The following MINDY4 variants were observed in gnomAD, a reference collection of about 807,000 sequenced individuals.
MINDY4 encodes probable ubiquitin carboxyl-terminal hydrolase MINDY-4.
In MINDY4, 68 loss-of-function variants were observed where a neutral mutation model predicts 87.0. The observed-to-expected ratio is 0.78, with a 90% confidence interval of 0.64 to 0.96. The LOEUF (loss-of-function observed/expected upper bound fraction) is 0.96, where lower values mean the gene tolerates loss of function less well. Ranked by LOEUF, MINDY4 falls within the 40% of genes least tolerant of loss-of-function variation. MINDY4 has a pLI of 0.00. For missense variants in MINDY4, 919 were observed against 928.2 expected (o/e 0.99, Z 0.13); for synonymous variants, 379 against 363.2 (o/e 1.04, Z -0.50).
intron 6 of MINDY4, 112 bp from the exon 7 acceptor site, chr7:30,836,546 C>G (rs921638795): frequency 2.3e-6 from 2 of 880,330 alleles, no homozygotes; most frequent in Non-Finnish European, 3.7e-6. Flanking sequence ...AGGAACCCTC[C>G]TTTCACTCAA....
intron 15 of MINDY4, among the ~76,000 whole-genome samples, chr7:30,879,232 T>G (rs757507002): frequency 5.3e-5 from 8 of 152,120 alleles, no homozygotes; most frequent in Non-Finnish European, 1.2e-4. Flanking sequence ...CTAGGGTGGG[T>G]CCCAATCCAG....
At position 30,814,920 on chromosome 7, in the gene MINDY4, C is replaced by G. The variant is rs753849095; in HGVS notation, c.1074-13759C>G. Among the ~76,000 whole-genome samples, 8 of 152,170 alleles carry G rather than the reference C, an allele frequency of 5.3e-5. No individual in the cohort carries two copies. In the South Asian group the frequency reaches 6.2e-4, roughly 12 times the overall value. On this transcript the variant is annotated intron_variant, in intron 5 of 17. Transcript: ENST00000265299. ...TATAAATGCTTACGCAGGGGAATGC[C>G]TTATAAGTTTGAAAGGAAAATACTT...
At chr7:30,819,942 C>T (rs912630515) in intron 5 of MINDY4, among the ~76,000 whole-genome samples, 2 of 138,680 alleles carry the variant, frequency 1.4e-5, no homozygotes, top group African/African-American at 5.5e-5. Flanking sequence ...CGCTCTGTCG[C>T]CCAGGCTGGA....
At chr7:30,871,045 C>T (rs1191968609) in intron 13 of MINDY4, among the ~76,000 whole-genome samples, 2 of 151,712 alleles carry the variant, frequency 1.3e-5, no homozygotes, top group Non-Finnish European at 2.9e-5. Context: ...TTGTGTGTAC[C>T]CCCCTGGGTC....
Position 30,786,152 on chromosome 7 carries a change from C to A in MINDY4, c.663+160C>A, listed in dbSNP as rs889703093. 22 of 962,020 alleles carry A rather than the reference C, an allele frequency of 2.3e-5. No homozygotes were observed. In the South Asian group the frequency reaches 2.6e-4, roughly 11 times the overall value. The allele number at this position is 962,020 out of a possible 1,614,324, so 59.6% of individuals were successfully genotyped here. ...CAGTGCCTCTGTTTTCTCCCTGGCT[C>A]TACTGTCAATGACACGTGGGGCCTT... On this transcript the variant is annotated intron_variant, in intron 4 of 17. Coordinates refer to ENST00000265299, the MANE Select transcript of MINDY4 (RefSeq NM_032222.3).
chr7:30,834,511 G>A (rs183214111), intron 6 of MINDY4, among the ~76,000 whole-genome samples: 28 of 152,336 alleles, frequency 1.8e-4, no homozygotes, highest in East Asian at 5.8e-4. Context: ...ATGGGAGGGC[G>A]TGCCATGAAG....
At chr7:30,807,938 C>T (rs933702694) in intron 5 of MINDY4, among the ~76,000 whole-genome samples, 1 of 152,192 alleles carries the variant, frequency 6.6e-6, no homozygotes, top group Non-Finnish European at 1.5e-5. Flanking sequence ...CCAAATAAAG[C>T]CCTTCCTTCT....
At chr7:30,871,250 T>C (rs993112657) in intron 13 of MINDY4, among the ~76,000 whole-genome samples, 6 of 152,180 alleles carry the variant, frequency 3.9e-5, no homozygotes, top group African/African-American at 1.4e-4. Context: ...ATCTATAAAA[T>C]AGAGACAGGA....
At position 30,841,250 on chromosome 7, in the gene MINDY4, G is replaced by T. The variant is rs764637812; in HGVS notation, c.1445+402G>T. Among the ~76,000 whole-genome samples the T allele has an allele frequency of 3.9e-5, 6 of 152,048 alleles. 1 individual carries two copies. Among genetic ancestry groups the T allele is most frequent in the Admixed American group, 3.3e-4 (5 of 15,266 alleles). On this transcript the variant is annotated intron_variant, in intron 9 of 17. Coordinates refer to ENST00000265299, the MANE Select transcript of MINDY4 (RefSeq NM_032222.3). ...CAACATTCATAACCACACATTCCAG[G>T]CCGCCCCACAGATCATCACTTCCAC...
intron 5 of MINDY4, among the ~76,000 whole-genome samples, chr7:30,824,628 G>A (rs913245570): frequency 1.3e-5 from 2 of 152,002 alleles, no homozygotes; most frequent in African/African-American, 2.4e-5. Context: ...TAGAGGTAGT[G>A]GCTTGCGTGA....
Position 30,875,545 on chromosome 7 carries a change from C to T in MINDY4, c.1860C>T (p.Asn620=), listed in dbSNP as rs571218397. 1.8e-5 allele frequency: 29 copies of T among 1,614,222 alleles called. No homozygotes were observed. The highest frequency in any genetic ancestry group is 1.6e-4 in the East Asian group (7 of 44,892). The change falls in exon 15 of 18, where the codon AAC becomes AAT. Residue 620 remains asparagine (N), a synonymous_variant. Transcript: ENST00000265299. The part of the protein sequence containing the change: ...LTGKAVSNVF[N]DVVELDSGDG... Reference sequence around the variant, plus strand: ...GGAAAGCTGTGTCCAACGTTTTCAACGATGTGGTTGAGCTGGATTCTGGGG... The same window carrying T: ...GGAAAGCTGTGTCCAACGTTTTCAATGATGTGGTTGAGCTGGATTCTGGGG...
At chr7:30,852,302 C>T (rs1488236285) in intron 11 of MINDY4, 23 bp downstream of exon 11, 15 of 1,613,810 alleles carry the variant, frequency 9.3e-6, no homozygotes, top group Non-Finnish European at 1.3e-5. Flanking sequence ...GGAAAATTAT[C>T]ACGCAAACTT....
At chr7:30,774,500 T>C (rs1786748500) in intron 1 of MINDY4, among the ~76,000 whole-genome samples, 1 of 152,104 alleles carries the variant, frequency 6.6e-6, no homozygotes. Context: ...TAGCTACTGG[T>C]TTATTATTTC....
chr7:30,882,077 A>C (rs575272207), intron 15 of MINDY4, 104 bp from the exon 16 acceptor site: 8 of 1,119,270 alleles, frequency 7.1e-6, no homozygotes, highest in Admixed American at 6.7e-5. Flanking sequence ...CGTGATCTTC[A>C]GCAGGGCCTC....
chr7:30,886,332 A>G (rs1206755419), intron 17 of MINDY4, among the ~76,000 whole-genome samples: 1 of 152,200 alleles, frequency 6.6e-6, no homozygotes, highest in East Asian at 1.9e-4. Context: ...AGAGTTTGCC[A>G]TCAGCCAAAA....
intron 5 of MINDY4, among the ~76,000 whole-genome samples, chr7:30,804,648 G>C (rs928288296): frequency 2.0e-5 from 3 of 152,164 alleles, no homozygotes; most frequent in African/African-American, 4.8e-5. Context: ...CTCACTATCT[G>C]ACTGGCCCTC....
At chr7:30,806,002 C>A (rs867579138) in intron 5 of MINDY4, among the ~76,000 whole-genome samples, 1 of 152,152 alleles carries the variant, frequency 6.6e-6, no homozygotes, top group Non-Finnish European at 1.5e-5. Context: ...TTTTCTGTTA[C>A]GCTCAGTAAC....
At chr7:30,812,086 A>T (rs1322158844) in intron 5 of MINDY4, among the ~76,000 whole-genome samples, 2 of 152,184 alleles carry the variant, frequency 1.3e-5, no homozygotes, top group Non-Finnish European at 2.9e-5. Context: ...GATCTGGGAG[A>T]ACTTAGACAA....
At chr7:30,886,195 T>A (rs1790627672) in intron 17 of MINDY4, among the ~76,000 whole-genome samples, 1 of 152,056 alleles carries the variant, frequency 6.6e-6, no homozygotes, top group African/African-American at 2.4e-5. Context: ...GCTCGGTAGG[T>A]GGGGCTGCAG....
Sources: allele counts gnomAD v4.1 joint callset (sites outside exome capture counted in the v4.1 genomes callset), GRCh38; gene constraint gnomAD v4.1.1; transcripts MANE v1.5; gene names NCBI Gene and HGNC (gene_info 2026-07-23, HGNC 2026-07-21).